The following CDH6 variants were observed in gnomAD, a reference collection of about 807,000 sequenced individuals.
CDH6 encodes cadherin 6, also known as cadherin-6.
In CDH6, 31 loss-of-function variants were observed where a neutral mutation model predicts 78.0. That is an observed-to-expected ratio of 0.40 (90% confidence interval 0.30 to 0.54). The LOEUF (loss-of-function observed/expected upper bound fraction) is 0.54. CDH6 is among the 20% of genes least tolerant of loss of function. CDH6 has a pLI of 0.56. For missense variants in CDH6, 724 were observed against 975.9 expected, an observed-to-expected ratio of 0.74 and a Z score of 3.44; for synonymous variants, 376 against 368.8, an observed-to-expected ratio of 1.02 and a Z score of -0.23.
chr5:31,195,883 G>A (rs1019764569), intron 1 of CDH6, among the ~76,000 whole-genome samples: 1 of 152,194 alleles, frequency 6.6e-6, no homozygotes, highest in Admixed American at 6.5e-5. Flanking sequence ...AATTTCTTCA[G>A]AAAAACTAAG....
intron 11 of CDH6, among the ~76,000 whole-genome samples, chr5:31,319,985 C>T (rs1370775806): frequency 6.6e-6 from 1 of 152,150 alleles, no homozygotes; most frequent in Middle Eastern, 3.2e-3. Flanking sequence ...TCTTTACCCT[C>T]TAGTTTTACG....
intron 2 of CDH6, among the ~76,000 whole-genome samples, chr5:31,285,778 T>C (rs17476668): frequency 0.29 from 44,153 of 152,128 alleles, 7,095 homozygotes; most frequent in Admixed American, 0.37. Flanking sequence ...GTCAATGAAT[T>C]CAATGTACTT....
chr5:31,285,830 C>T (rs1003584878), intron 2 of CDH6, among the ~76,000 whole-genome samples: 4 of 152,146 alleles, frequency 2.6e-5, no homozygotes, highest in South Asian at 2.1e-4. Flanking sequence ...TACAAGTTGG[C>T]TTTACTATTG....
At chr5:31,287,215 G>A (rs1397227746) in intron 2 of CDH6, among the ~76,000 whole-genome samples, 1 of 152,154 alleles carries the variant, frequency 6.6e-6, no homozygotes, top group Non-Finnish European at 1.5e-5. Context: ...AGGGAGACAA[G>A]GACCAAAGAC....
intron 1 of CDH6, among the ~76,000 whole-genome samples, chr5:31,248,078 T>A (rs990145691): frequency 6.6e-6 from 1 of 152,240 alleles, no homozygotes; most frequent in African/African-American, 2.4e-5. Flanking sequence ...TAAAGGTTTT[T>A]ATTAAGTATG....
At chr5:31,233,801 T>G (rs548533066) in intron 1 of CDH6, among the ~76,000 whole-genome samples, 1 of 152,312 alleles carries the variant, frequency 6.6e-6, no homozygotes, top group African/African-American at 2.4e-5. Context: ...CCTCACTCTC[T>G]ACTACTCAGC....
intron 7 of CDH6, among the ~76,000 whole-genome samples, chr5:31,310,515 C>G (rs1158885540): frequency 6.6e-6 from 1 of 152,202 alleles, no homozygotes; most frequent in Non-Finnish European, 1.5e-5. Flanking sequence ...CTCCACTAAG[C>G]AGTGCCCCAG....
intron 1 of CDH6, among the ~76,000 whole-genome samples, chr5:31,212,841 G>T (rs555041742): frequency 4.7e-4 from 72 of 152,126 alleles, no homozygotes; most frequent in African/African-American, 1.7e-3. Context: ...TATAATTCTA[G>T]AAATCAAGGC....
chr5:31,206,555 A>G (rs1038742727), intron 1 of CDH6, among the ~76,000 whole-genome samples: 1 of 152,178 alleles, frequency 6.6e-6, no homozygotes, highest in Non-Finnish European at 1.5e-5. Context: ...AAAGGTTCAG[A>G]TTCATCATTA....
chr5:31,256,648 GA>G (rs922940213), intron 1 of CDH6, among the ~76,000 whole-genome samples: 1 of 152,062 alleles, frequency 6.6e-6, no homozygotes, highest in African/African-American at 2.4e-5. Flanking sequence ...TTAATCTTTG[GA>G]GTTTGGAAGA....
At chr5:31,206,217 GGATA>G (rs2111789502) in intron 1 of CDH6, among the ~76,000 whole-genome samples, 2 of 152,144 alleles carry the variant, frequency 1.3e-5, no homozygotes, top group African/African-American at 4.8e-5. Context: ...AAAATAGACA[GGATA>G]GATAGATTCA....
intron 1 of CDH6, among the ~76,000 whole-genome samples, chr5:31,241,520 T>C (rs11951063): frequency 0.023 from 3,435 of 152,316 alleles, 49 homozygotes; most frequent in South Asian, 0.038. Flanking sequence ...CTATAACACA[T>C]AAACCTGAAA....
intron 7 of CDH6, among the ~76,000 whole-genome samples, chr5:31,308,750 CACCTCTT>C (rs1446849509): frequency 6.6e-6 from 1 of 152,066 alleles, no homozygotes. Flanking sequence ...TAAAAATTCT[CACCTCTT>C]ACCCTTTATG....
At chr5:31,307,656 G>A (rs1738024456) in intron 7 of CDH6, among the ~76,000 whole-genome samples, 1 of 152,200 alleles carries the variant, frequency 6.6e-6, no homozygotes, top group South Asian at 2.1e-4. Context: ...GGAGTTTGTT[G>A]TAACTGCATA....
intron 1 of CDH6, among the ~76,000 whole-genome samples, chr5:31,245,876 C>T (rs1391926083): frequency 7.0e-6 from 1 of 142,922 alleles, no homozygotes; most frequent in East Asian, 2.2e-4. Context: ...GCCATCTTAA[C>T]ATTTTCTTTT....
chr5:31,229,301 A>G (rs1305515316), intron 1 of CDH6, among the ~76,000 whole-genome samples: 4 of 152,242 alleles, frequency 2.6e-5, no homozygotes, highest in Non-Finnish European at 4.4e-5. Context: ...ACCTCTTGTT[A>G]TCCAGTTCTG....
At chr5:31,312,273 C>T (rs764677587) in intron 7 of CDH6, among the ~76,000 whole-genome samples, 2 of 152,212 alleles carry the variant, frequency 1.3e-5, no homozygotes, top group South Asian at 2.1e-4. Flanking sequence ...AAAAATGGAA[C>T]TTACCCATCT....
At position 31,308,403 on chromosome 5, in the gene CDH6, T is replaced by G. The variant is rs538547742; in HGVS notation, c.1253+2976T>G. 5.4e-5 allele frequency among the ~76,000 whole-genome samples: 8 copies of G among 147,870 alleles called. No homozygotes were observed. The East Asian group carries it at 1.6e-3, about 30-fold the overall frequency. ...CTTGAGGATACATTAGAAGGCAAAT[T>G]ATTTAATCACAGAATACAATGAAGT... On this transcript the variant is annotated intron_variant, in intron 7 of 11. Coordinates refer to ENST00000265071, the MANE Select transcript of CDH6 (RefSeq NM_004932.4).
intron 1 of CDH6, chr5:31,252,004 T>C (rs1472542784): frequency 6.6e-6 from 1 of 152,230 alleles, no homozygotes; most frequent in East Asian, 1.9e-4. Flanking sequence ...TTTTAGTCCA[T>C]ATCCATCAAG....
Sources: allele counts gnomAD v4.1 joint callset (sites outside exome capture counted in the v4.1 genomes callset), GRCh38; gene constraint gnomAD v4.1.1; transcripts MANE v1.5; gene names NCBI Gene and HGNC (gene_info 2026-07-23, HGNC 2026-07-21).